Variants in MACC1 observed in about 807,000 individuals in gnomAD.
MACC1 encodes the protein metastasis-associated in colon cancer protein 1.
In MACC1, 79 loss-of-function variants were observed where a neutral mutation model predicts 70.7. The observed-to-expected ratio is 1.12, with a 90% CI of 0.93 to 1.35. The LOEUF is 1.35. MACC1 is among the 40% of genes most tolerant of loss of function. MACC1 has a pLI of 0.00. For missense variants in MACC1, 1,106 were observed against 978.1 expected (o/e 1.13, Z -1.74); for synonymous variants, 361 against 347.2 (o/e 1.04, Z -0.44).
intron 2 of MACC1, among the ~76,000 whole-genome samples, chr7:20,169,226 T>C (rs1469790296): frequency 2.0e-5 from 3 of 152,194 alleles, no homozygotes; most frequent in Admixed American, 6.5e-5. Context: ...CTTTAAGCAA[T>C]AGATGTTTCA....
At chr7:20,157,692 T>C (rs1583386949) in intron 5 of MACC1, among the ~76,000 whole-genome samples, 1 of 143,060 alleles carries the variant, frequency 7.0e-6, no homozygotes, top group Admixed American at 7.4e-5. Context: ...AGCTGAGCCC[T>C]GGAGGTTGAA....
intron 1 of MACC1, among the ~76,000 whole-genome samples, chr7:20,209,165 G>T (rs1222269545): frequency 6.6e-6 from 1 of 152,216 alleles, no homozygotes; most frequent in East Asian, 1.9e-4. Context: ...TGGGATTGGA[G>T]CCCCCACACA....
chr7:20,196,427 A>G (rs1286605136), intron 1 of MACC1, among the ~76,000 whole-genome samples: 3 of 152,138 alleles, frequency 2.0e-5, no homozygotes, highest in South Asian at 2.1e-4. Context: ...TGATCCGCCC[A>G]CCTCGGCCTC....
intron 4 of MACC1, among the ~76,000 whole-genome samples, chr7:20,160,449 G>A (rs899376831): frequency 6.6e-6 from 1 of 151,906 alleles, no homozygotes; most frequent in African/African-American, 2.4e-5. Context: ...TTTCTACCAG[G>A]TTATTTTTTG....
chr7:20,214,287 C>G (rs1783038708), intron 1 of MACC1, among the ~76,000 whole-genome samples: 1 of 152,126 alleles, frequency 6.6e-6, no homozygotes, highest in African/African-American at 2.4e-5. Flanking sequence ...CCCTAGAATA[C>G]CCTCCATGGA....
chr7:20,156,103 A>G (rs961192860), intron 5 of MACC1, among the ~76,000 whole-genome samples: 16 of 152,338 alleles, frequency 1.1e-4, no homozygotes, highest in Non-Finnish European at 2.9e-5. Context: ...TCTCAATGTC[A>G]AGAGATGACT....
At chr7:20,208,633 G>A (rs1238571137) in intron 1 of MACC1, among the ~76,000 whole-genome samples, 1 of 152,200 alleles carries the variant, frequency 6.6e-6, no homozygotes, top group Admixed American at 6.5e-5. Flanking sequence ...TTTGGAAAAT[G>A]TGCAGTCTGA....
Position 20,159,953 on chromosome 7 carries a change from T to A in MACC1, c.408A>T (p.Arg136Ser). 6.2e-7 allele frequency: 1 copy of A among 1,614,150 alleles called. No individual in the cohort carries two copies. The highest frequency in any genetic ancestry group is 8.5e-7 in the Non-Finnish European group (1 of 1,180,006). Residue 136 changes from arginine to serine, a missense_variant, in exon 5 of 7, where the codon AGA (arginine) becomes AGT (serine). Transcript: ENST00000400331. ...LRQTSSRNSG[R>S]SKSVSELLDI... ...CCAGAAGTTCTGAAACACTTTTAGA[T>A]CTTCCAGAATTTCTTGAGGAAGTCT...
chr7:20,179,282 GATT>G (rs1782463391), intron 1 of MACC1, among the ~76,000 whole-genome samples: 1 of 151,962 alleles, frequency 6.6e-6, no homozygotes, highest in Non-Finnish European at 1.5e-5. Context: ...ACTGTTTTCA[GATT>G]ATTTTATATA....
At chr7:20,209,344 A>G (rs576455764) in intron 1 of MACC1, among the ~76,000 whole-genome samples, 1 of 152,400 alleles carries the variant, frequency 6.6e-6, no homozygotes, top group African/African-American at 2.4e-5. Context: ...GCAAAACCAC[A>G]GGGCTAGAGC....
intron 1 of MACC1, among the ~76,000 whole-genome samples, chr7:20,203,915 T>A (rs1021719683): frequency 6.6e-6 from 1 of 152,158 alleles, no homozygotes; most frequent in African/African-American, 2.4e-5. Flanking sequence ...GAAAGAGCAG[T>A]ACCTTCATAA....
rs2128099008 is a variant in MACC1, at chr7:20,137,401, A to G, written c.*3545T>C. 1 of 152,338 alleles carries G rather than the reference A, an allele frequency of 6.6e-6. No individual in the cohort carries two copies. Among genetic ancestry groups the G allele is most frequent in the East Asian group, 1.9e-4 (1 of 5,188 alleles). The allele number at this position is 152,338 out of a possible 1,614,324, so 9.4% of individuals were successfully genotyped here. A position where few individuals can be genotyped will look rare whatever the true frequency, so the allele number is the denominator to read the frequency against. On this transcript the variant is annotated 3_prime_UTR_variant, in exon 7 of 7. Coordinates refer to ENST00000400331, the MANE Select transcript of MACC1 (RefSeq NM_182762.4). ...GTGCTGTATCCATTTATTAGTATGA[A>G]CAGTTAATGACACACTATTGAATGC...
chr7:20,208,915 T>C (rs571606662), intron 1 of MACC1, among the ~76,000 whole-genome samples: 19 of 152,296 alleles, frequency 1.2e-4, no homozygotes, highest in Admixed American at 1.2e-3. Context: ...CCTCCAGTCA[T>C]GGCTAAAAGG....
At chr7:20,195,720 C>G (rs1583407727) in intron 1 of MACC1, among the ~76,000 whole-genome samples, 1 of 152,158 alleles carries the variant, frequency 6.6e-6, no homozygotes, top group Non-Finnish European at 1.5e-5. Context: ...AACAGGGGAT[C>G]AGTTAGCTTC....
At chr7:20,170,451 A>G (rs1382898252) in intron 2 of MACC1, 2 of 152,244 alleles carry the variant, frequency 1.3e-5, no homozygotes, top group East Asian at 1.9e-4. Context: ...GAATATTGGA[A>G]AAGAGGAAAC....
Position 20,138,066 on chromosome 7 carries a change from T to A in MACC1, c.*2880A>T, listed in dbSNP as rs561199576. ...TACTTGGGAGGCGGAGGCAGAAGGA[T>A]CTTTTGAACCCAGGAGGTGGAGGTT... On this transcript the variant is annotated 3_prime_UTR_variant, in exon 7 of 7. Transcript: ENST00000400331. 6.9e-6 allele frequency: 1 copy of A among 145,104 alleles called. No homozygotes were observed. Among genetic ancestry groups the A allele is most frequent in the Admixed American group, 7.4e-5 (1 of 13,528 alleles). 9.0% of individuals were successfully genotyped at this position (145,104 alleles called of 1,614,324 possible).
chr7:20,171,849 A>T (rs1782313188), intron 1 of MACC1, among the ~76,000 whole-genome samples: 1 of 152,134 alleles, frequency 6.6e-6, no homozygotes, highest in African/African-American at 2.4e-5. Flanking sequence ...CACAGAGACA[A>T]TTACATCTTC....
At position 20,159,319 on chromosome 7, in the gene MACC1, C is replaced by G. The variant is rs1422099635; in HGVS notation, c.1042G>C (p.Val348Leu). 1 of 1,614,084 alleles carries G rather than the reference C, an allele frequency of 6.2e-7. No individual in the cohort carries two copies. The highest frequency in any genetic ancestry group is 1.3e-5 in the African/African-American group (1 of 75,052). ...GGAAGAGCTTTAGCTTGTGCAGCAA[C>G]CACTAGATACATTACCTGACTCAAG... ...IDLSQVMYLV[V>L]AAQAKALPSP... Residue 348 changes from valine to leucine, a missense_variant, in exon 5 of 7, where the codon GTT (valine) becomes CTT (leucine). Coordinates refer to ENST00000400331, the MANE Select transcript of MACC1 (RefSeq NM_182762.4).
intron 2 of MACC1, among the ~76,000 whole-genome samples, chr7:20,166,946 A>G (rs146230406): frequency 1.3e-5 from 2 of 152,358 alleles, no homozygotes; most frequent in African/African-American, 4.8e-5. Flanking sequence ...CAGCTTAGTG[A>G]TGTAGTCAAG....
Sources: gnomAD v4.1 joint callset for allele counts (sites outside exome capture counted in the v4.1 genomes callset) on GRCh38, gnomAD v4.1.1 for gene constraint, MANE v1.5 for transcripts, NCBI Gene and HGNC (gene_info 2026-07-23, HGNC 2026-07-21) for gene names.